Variants in ZNF564 observed in about 807,000 individuals in gnomAD.
ZNF564 encodes zinc finger protein 564.
A neutral mutation model predicts 10.5 loss-of-function variants in ZNF564; 5 were observed. That is an observed-to-expected ratio of 0.48 (90% CI 0.25 to 1.00). The LOEUF is 1.00. Ranked by LOEUF, ZNF564 falls within the 50% of genes least tolerant of loss-of-function variation. ZNF564 has a pLI of 0.16. For missense variants in ZNF564, 603 were observed against 669.7 expected (o/e 0.90, Z 1.10); for synonymous variants, 242 against 218.1 (o/e 1.11, Z -0.97).
intron 1 of ZNF564, among the ~76,000 whole-genome samples, chr19:12,537,465 G>A (rs1337421575): frequency 1.3e-5 from 2 of 152,150 alleles, no homozygotes; most frequent in East Asian, 1.9e-4. Flanking sequence ...TAAGCCGGGC[G>A]TGGTGGCTCA....
chr19:12,542,567 G>C (rs573599857), intron 1 of ZNF564, among the ~76,000 whole-genome samples: 2 of 151,752 alleles, frequency 1.3e-5, no homozygotes, highest in Admixed American at 6.6e-5. Context: ...GCTGCAGTGA[G>C]CTATGATCAC....
At chr19:12,528,261 T>C in intron 3 of ZNF564, 43 bp downstream of exon 3, 4 of 1,538,858 alleles carry the variant, frequency 2.6e-6, no homozygotes, top group Non-Finnish European at 2.7e-6. Context: ...TTTCATGACA[T>C]ACTAAGAAGG....
At chr19:12,532,534 CAAAAA>C (rs35579003) in intron 1 of ZNF564, among the ~76,000 whole-genome samples, 21 of 39,248 alleles carry the variant, frequency 5.4e-4, no homozygotes, top group South Asian at 1.7e-3. Flanking sequence ...GACTCCGTCT[CAAAAA>C]AAAAAAAAAA....
intron 1 of ZNF564, among the ~76,000 whole-genome samples, chr19:12,540,592 T>C (rs140915720): frequency 0.018 from 2,664 of 152,076 alleles, 56 homozygotes; most frequent in East Asian, 0.061. Flanking sequence ...TGGTAGCTCA[T>C]GCCTGTAATC....
chr19:12,533,022 T>C (rs1387732126), intron 1 of ZNF564: 3 of 152,208 alleles, frequency 2.0e-5, no homozygotes, highest in African/African-American at 7.2e-5. Context: ...CTGGATTTAA[T>C]TGAAATGCAT....
chr19:12,542,767 G>A (rs909682777), intron 1 of ZNF564, among the ~76,000 whole-genome samples: 2 of 152,172 alleles, frequency 1.3e-5, no homozygotes, highest in African/African-American at 4.8e-5. Flanking sequence ...ACTTTGGGAG[G>A]CCGAGGTGGG....
chr19:12,535,850 TAAAAATAC>T (rs1435427241), intron 1 of ZNF564, among the ~76,000 whole-genome samples: 3 of 151,878 alleles, frequency 2.0e-5, no homozygotes, highest in Non-Finnish European at 4.4e-5. Context: ...CCATCTCTAC[TAAAAATAC>T]AAAAATTAGC....
At chr19:12,547,931 C>A (rs574834307) in intron 1 of ZNF564, among the ~76,000 whole-genome samples, 2 of 151,938 alleles carry the variant, frequency 1.3e-5, no homozygotes, top group African/African-American at 2.4e-5. Context: ...CCTGCCTCAG[C>A]CTCCCGAGTA....
Position 12,540,664 on chromosome 19 carries a change from C to G in ZNF564, c.3+10666G>C, listed in dbSNP as rs111407656. Among the ~76,000 whole-genome samples the G allele has an allele frequency of 5.6e-3, 847 of 152,218 alleles. 3 individuals carry two copies. The highest frequency in any genetic ancestry group is 9.6e-3 in the Non-Finnish European group (650 of 68,022). On this transcript the variant is annotated intron_variant, in intron 1 of 3. Transcript: ENST00000339282. ...AGTCAGGAGATCGCCACCATCCTGG[C>G]TAACATGATGAAACCCCGTCTCTAC...
chr19:12,544,465 G>A (rs2022115252), intron 1 of ZNF564, among the ~76,000 whole-genome samples: 1 of 152,166 alleles, frequency 6.6e-6, no homozygotes, highest in African/African-American at 2.4e-5. Flanking sequence ...CATACCAGAA[G>A]CAGGGCTTAG....
intron 1 of ZNF564, chr19:12,548,791 G>A: frequency 1.4e-6 from 1 of 702,648 alleles, no homozygotes; most frequent in Non-Finnish European, 2.6e-6. Flanking sequence ...CATCTGATAG[G>A]ATTTAGCATT....
Position 12,549,588 on chromosome 19 carries a change from T to C in ZNF564, c.3+1742A>G, listed in dbSNP as rs914224307. Reference sequence around the variant, plus strand: ...GTCAGGAATCATTTGTGTCTTTTCCTCTCAGTAACAGCCTAAGATTGGGTA... The same window carrying C: ...GTCAGGAATCATTTGTGTCTTTTCCCCTCAGTAACAGCCTAAGATTGGGTA... On this transcript the variant is annotated intron_variant, in intron 1 of 3. Transcript: ENST00000339282. 7.2e-5 allele frequency among the ~76,000 whole-genome samples: 11 copies of C among 152,210 alleles called. 1 individual carries two copies. Among genetic ancestry groups the C allele is most frequent in the Non-Finnish European group, 1.5e-5 (1 of 68,042 alleles).
intron 1 of ZNF564, among the ~76,000 whole-genome samples, chr19:12,536,765 T>C (rs534049216): frequency 2.0e-5 from 3 of 152,254 alleles, no homozygotes; most frequent in African/African-American, 7.2e-5. Context: ...GGGAAGCCGA[T>C]AGAGTGAGCC....
chr19:12,528,048 G>T, intron 3 of ZNF564, 132 bp from the exon 4 acceptor site: 1 of 1,040,870 alleles, frequency 9.6e-7, no homozygotes, highest in Non-Finnish European at 1.4e-6. Context: ...GAAAGTGAAT[G>T]GATGGAATGC....
intron 1 of ZNF564, chr19:12,550,590 A>T: frequency 5.0e-6 from 1 of 200,428 alleles, no homozygotes; most frequent in Non-Finnish European, 1.1e-5. Flanking sequence ...CGGAAGGCGA[A>T]GGTTGCAGTG....
In ZNF564 at chr19:12,527,113, G is replaced by C; in HGVS notation, c.995C>G (p.Thr332Ser). The change falls in exon 4 of 4, where the codon ACT becomes AGT. Residue 332 changes from threonine (T) to serine (S), a missense_variant. Transcript: ENST00000339282. ...SYVRKHERTH[T>S]GEKPYECNKC... Reference sequence around the variant, plus strand: ...ATTACATTCATAGGGTTTCTCCCCAGTATGAGTTCTTTCATGCTTTCGAAC... The same window carrying C: ...ATTACATTCATAGGGTTTCTCCCCACTATGAGTTCTTTCATGCTTTCGAAC... 6.2e-7 allele frequency: 1 copy of C among 1,614,130 alleles called. No homozygotes were observed.
At chr19:12,545,656 C>G (rs2022137651) in intron 1 of ZNF564, among the ~76,000 whole-genome samples, 1 of 152,098 alleles carries the variant, frequency 6.6e-6, no homozygotes, top group South Asian at 2.1e-4. Flanking sequence ...TAAAACTATT[C>G]AAAGAACTTA....
chr19:12,537,703 A>G (rs1420410835), intron 1 of ZNF564, among the ~76,000 whole-genome samples: 1 of 146,098 alleles, frequency 6.8e-6, no homozygotes, highest in Non-Finnish European at 1.5e-5. Context: ...TCGCCATTGC[A>G]CTCCCGCCTG....
At chr19:12,538,766 G>A (rs759013930) in intron 1 of ZNF564, among the ~76,000 whole-genome samples, 9 of 151,732 alleles carry the variant, frequency 5.9e-5, no homozygotes, top group African/African-American at 9.7e-5. Context: ...CTATGATTGC[G>A]CCACTACACT....
Sources: allele counts gnomAD v4.1 joint callset (sites outside exome capture counted in the v4.1 genomes callset), GRCh38; gene constraint gnomAD v4.1.1; transcripts MANE v1.5; gene names NCBI Gene and HGNC (gene_info 2026-07-23, HGNC 2026-07-21).